Variants in DTL observed in about 807,000 individuals in gnomAD.
DTL encodes the protein denticleless protein homolog.
In DTL, 46 loss-of-function variants were observed where a neutral mutation model predicts 87.0. The ratio of observed to expected loss-of-function variants is 0.53; its 90% CI spans 0.42 to 0.68. The LOEUF (loss-of-function observed/expected upper bound fraction) is 0.68. Ranked by LOEUF, DTL falls within the 30% of genes least tolerant of loss-of-function variation. The probability of loss-of-function intolerance (pLI) is 0.00; values close to 1 mark genes in which losing one functional copy is unlikely to be tolerated. For synonymous variants in DTL, 308 were observed against 311.2 expected (o/e 0.99, Z 0.11); for missense variants, 737 against 869.4 (o/e 0.85, Z 1.91).
Position 212,103,143 on chromosome 1 carries a change from A to G in DTL, c.*203A>G. 2.8e-6 allele frequency: 1 copy of G among 354,912 alleles called. No homozygotes were observed. Among genetic ancestry groups the G allele is most frequent in the Non-Finnish European group, 5.1e-6 (1 of 197,924 alleles). The allele number at this position is 354,912 out of a possible 1,614,324, so 22.0% of individuals were successfully genotyped here. Reference sequence around the variant, plus strand: ...ACCATAATGTATATGCAGCTTCCCGAGGATGAATGCTGTGTTTAAATTTCA... The same window carrying G: ...ACCATAATGTATATGCAGCTTCCCGGGGATGAATGCTGTGTTTAAATTTCA... On this transcript the variant is annotated 3_prime_UTR_variant, in exon 15 of 15. Transcript: ENST00000366991.
intron 1 of DTL, among the ~76,000 whole-genome samples, chr1:212,041,843 T>G (rs1667656310): frequency 6.6e-6 from 1 of 152,172 alleles, no homozygotes; most frequent in Admixed American, 6.5e-5. Flanking sequence ...TAACAGCTCC[T>G]TTACAATGAT....
intron 13 of DTL, among the ~76,000 whole-genome samples, chr1:212,089,779 C>T (rs1223659006): frequency 6.6e-6 from 1 of 152,156 alleles, no homozygotes; most frequent in African/African-American, 2.4e-5. Context: ...AATTTCATAC[C>T]AGCCTTATCA....
At position 212,104,787 on chromosome 1, in the gene DTL, C is replaced by G. The variant is rs1050388254; in HGVS notation, c.*1847C>G. On this transcript the variant is annotated 3_prime_UTR_variant, in exon 15 of 15. Transcript: ENST00000366991. ...GGTCAACTGTAATGAGATAATTATC[C>G]CTGCCTGTGTCCATGTCAGACTTTG... 1 of 152,084 alleles carries G rather than the reference C, an allele frequency of 6.6e-6. No homozygotes were observed. Among genetic ancestry groups the G allele is most frequent in the African/African-American group, 2.4e-5 (1 of 41,392 alleles). The allele number at this position is 152,084 out of a possible 1,614,324, so 9.4% of individuals were successfully genotyped here.
chr1:212,078,302 T>A, intron 12 of DTL, 40 bp downstream of exon 12: 1 of 1,244,688 alleles, frequency 8.0e-7, no homozygotes, highest in Non-Finnish European at 1.2e-6. Flanking sequence ...AAAATGTAGA[T>A]CACAGGTTTG....
intron 11 of DTL, among the ~76,000 whole-genome samples, chr1:212,073,118 A>G (rs996304509): frequency 6.6e-6 from 1 of 152,202 alleles, no homozygotes; most frequent in African/African-American, 2.4e-5. Flanking sequence ...TGTCTACTGT[A>G]AGCTAAGAAA....
rs746292555 is a variant in DTL, at chr1:212,101,055, A to C, written c.2065A>C (p.Arg689=). The stretch of plus-strand genomic sequence containing the variant: ...GTCATCCCAGACACCCAATTCCAGG[A>C]GACAGAGCGGAAAGAAATTGCCAAG... ...SPSSQTPNSR[R]QSGKKLPSPV... Residue 689 remains arginine (R), a synonymous_variant, in exon 14 of 15, where the codon AGA becomes CGA. Transcript: ENST00000366991. The C allele has an allele frequency of 6.2e-7, 1 of 1,611,992 alleles. No individual in the cohort carries two copies. The highest frequency in any genetic ancestry group is 2.2e-5 in the East Asian group (1 of 44,858).
chr1:212,080,833 C>T, intron 13 of DTL, 83 bp downstream of exon 13: 1 of 1,439,846 alleles, frequency 6.9e-7, no homozygotes, highest in South Asian at 1.3e-5. Flanking sequence ...TAGATTTGAT[C>T]TTGCTTTGGT....
chr1:212,045,155 A>C (rs1667770968), intron 3 of DTL, among the ~76,000 whole-genome samples: 1 of 152,214 alleles, frequency 6.6e-6, no homozygotes, highest in Non-Finnish European at 1.5e-5. Context: ...CCCATGACCC[A>C]AATGCCTCCC....
At chr1:212,062,568 A>T (rs1445434573) in intron 5 of DTL, among the ~76,000 whole-genome samples, 4 of 152,332 alleles carry the variant, frequency 2.6e-5, no homozygotes, top group African/African-American at 9.6e-5. Flanking sequence ...ATAGTAGCTA[A>T]CATTTAGAAT....
At chr1:212,072,049 T>C in intron 10 of DTL, 52 bp from the exon 11 acceptor site, 1 of 1,282,994 alleles carries the variant, frequency 7.8e-7, no homozygotes, top group East Asian at 2.3e-5. Flanking sequence ...TATATCCATT[T>C]GACCACTAGA....
intron 5 of DTL, among the ~76,000 whole-genome samples, chr1:212,054,409 A>C (rs1316904): frequency 0.083 from 12,218 of 147,728 alleles, 574 homozygotes; most frequent in East Asian, 0.14. Context: ...CACACACACA[A>C]AAAAAAAAAA....
chr1:212,097,528 A>G (rs1254014056), intron 13 of DTL, among the ~76,000 whole-genome samples: 1 of 151,872 alleles, frequency 6.6e-6, no homozygotes. Flanking sequence ...TTTCCAGTGT[A>G]TTTTGCATTT....
chr1:212,073,592 G>A (rs1424737390), intron 11 of DTL, among the ~76,000 whole-genome samples: 1 of 152,062 alleles, frequency 6.6e-6, no homozygotes, highest in Non-Finnish European at 1.5e-5. Context: ...AAAGAAAAGT[G>A]ATTTCTATAT....
chr1:212,055,193 G>A (rs1186131764), intron 5 of DTL, among the ~76,000 whole-genome samples: 1 of 149,808 alleles, frequency 6.7e-6, no homozygotes, highest in East Asian at 1.9e-4. Context: ...AAAGCAGCCT[G>A]TTTGGCTGGG....
chr1:212,102,973 C>G lies in DTL; in HGVS notation c.*33C>G. 1 of 1,305,256 alleles carries G rather than the reference C, an allele frequency of 7.7e-7. No individual in the cohort carries two copies. The highest frequency in any genetic ancestry group is 1.3e-5 in the South Asian group (1 of 78,554). The allele number at this position is 1,305,256 out of a possible 1,614,324, so 80.9% of individuals were successfully genotyped here. ...TCTGAGTGAGTTACTGAGCTTTGGTCCACTAAAACAAGCTGAGCTTTGGTC... is the reference window on the plus strand; with the variant it reads ...TCTGAGTGAGTTACTGAGCTTTGGTGCACTAAAACAAGCTGAGCTTTGGTC... On this transcript the variant is annotated 3_prime_UTR_variant, in exon 15 of 15. Coordinates refer to ENST00000366991, the MANE Select transcript of DTL (RefSeq NM_016448.4).
At chr1:212,066,640 T>C (rs926361537) in intron 7 of DTL, among the ~76,000 whole-genome samples, 172 bp from the exon 8 acceptor site, 2 of 152,252 alleles carry the variant, frequency 1.3e-5, no homozygotes, top group Non-Finnish European at 2.9e-5. Context: ...TAAAACTTAA[T>C]GATCCTTGCT....
intron 5 of DTL, among the ~76,000 whole-genome samples, chr1:212,060,011 C>T (rs1256032425): frequency 6.6e-6 from 1 of 151,888 alleles, no homozygotes; most frequent in Non-Finnish European, 1.5e-5. Context: ...TGAAACCGAT[C>T]AAAGAAATTG....
rs1655733036 is a variant in DTL at position 212,104,989 on chromosome 1, TA to T, written c.*2055del. 1 of 152,236 alleles carries T rather than the reference TA, an allele frequency of 6.6e-6. No homozygotes were observed. The highest frequency in any genetic ancestry group is 2.4e-5 in the African/African-American group (1 of 41,472). The allele number at this position is 152,236 out of a possible 1,614,324, so 9.4% of individuals were successfully genotyped here. On this transcript the variant is annotated 3_prime_UTR_variant, in exon 15 of 15. Transcript: ENST00000366991. ...TATTTCAAGCTGAAAGAGCTTTTAATAAAAAACATCTTGCTTGGATCAGACT... is the reference window on the plus strand; with the variant it reads ...TATTTCAAGCTGAAAGAGCTTTTAATAAAAACATCTTGCTTGGATCAGACT...
chr1:212,052,643 C>CAAAAA (rs58890704), intron 5 of DTL, among the ~76,000 whole-genome samples: 3 of 115,630 alleles, frequency 2.6e-5, no homozygotes, highest in Non-Finnish European at 5.2e-5. Context: ...GACTCTGCCT[C>CAAAAA]AAAAAAAAAA....
Sources: gnomAD v4.1 joint callset for allele counts (sites outside exome capture counted in the v4.1 genomes callset) on GRCh38, gnomAD v4.1.1 for gene constraint, MANE v1.5 for transcripts, NCBI Gene and HGNC (gene_info 2026-07-23, HGNC 2026-07-21) for gene names.